The following MALRD1 variants were observed in gnomAD, a reference collection of about 807,000 sequenced individuals.
MALRD1 encodes MAM and LDL-receptor class A domain-containing protein 1.
A neutral mutation model predicts 242.1 loss-of-function variants in MALRD1; 247 were observed. That is an observed-to-expected ratio of 1.02 (90% CI 0.92 to 1.13). The LOEUF (loss-of-function observed/expected upper bound fraction) is 1.13, where lower values mean the gene tolerates loss of function less well. MALRD1 is among the 50% of genes most tolerant of loss of function. The probability of loss-of-function intolerance (pLI) is 0.00; values close to 1 mark genes in which losing one functional copy is unlikely to be tolerated. For synonymous variants in MALRD1, 995 were observed against 866.6 expected, an observed-to-expected ratio of 1.15 and a Z score of -2.60; for missense variants, 2,989 against 2,533.1, an observed-to-expected ratio of 1.18 and a Z score of -3.86.
intron 26 of MALRD1, among the ~76,000 whole-genome samples, chr10:19,355,735 A>G (rs1844596823): frequency 6.6e-6 from 1 of 150,480 alleles, no homozygotes; most frequent in Admixed American, 6.7e-5. Flanking sequence ...GTGATATGCT[A>G]AACTTGGTTT....
At chr10:19,586,226 C>T (rs552003815) in intron 33 of MALRD1, among the ~76,000 whole-genome samples, 92 of 152,284 alleles carry the variant, frequency 6.0e-4, no homozygotes, top group Middle Eastern at 3.4e-3. Flanking sequence ...TCTCTCAGCT[C>T]GTCAAAGTCA....
intron 4 of MALRD1, among the ~76,000 whole-genome samples, chr10:19,098,269 C>T (rs1414576590): frequency 6.6e-6 from 1 of 152,166 alleles, no homozygotes; most frequent in Non-Finnish European, 1.5e-5. Context: ...ACTAAATGAA[C>T]AATCAGTGCC....
intron 18 of MALRD1, among the ~76,000 whole-genome samples, chr10:19,211,720 G>T (rs1837080255): frequency 7.1e-6 from 1 of 141,286 alleles, no homozygotes; most frequent in South Asian, 2.2e-4. Flanking sequence ...AAAAAAAAAG[G>T]TTGGGCAGGG....
intron 39 of MALRD1, 125 bp from the exon 40 acceptor site, chr10:19,734,032 A>T: frequency 1.5e-6 from 1 of 670,252 alleles, no homozygotes; most frequent in Non-Finnish European, 2.5e-6. Context: ...AGAGTCAGGG[A>T]TGTTCTAGTT....
intron 18 of MALRD1, among the ~76,000 whole-genome samples, chr10:19,226,391 C>T (rs1837801825): frequency 6.6e-6 from 1 of 152,042 alleles, no homozygotes; most frequent in Non-Finnish European, 1.5e-5. Flanking sequence ...ATGGTGAAAG[C>T]CTTAATACTT....
intron 28 of MALRD1, among the ~76,000 whole-genome samples, chr10:19,391,731 C>T (rs1846344693): frequency 6.6e-6 from 1 of 150,820 alleles, no homozygotes; most frequent in Non-Finnish European, 1.5e-5. Context: ...GAGTGTCTTG[C>T]AGTTCCAGAA....
At chr10:19,461,583 C>T (rs1040220242) in intron 29 of MALRD1, among the ~76,000 whole-genome samples, 1 of 152,066 alleles carries the variant, frequency 6.6e-6, no homozygotes, top group African/African-American at 2.4e-5. Context: ...GGCAGTGGCT[C>T]ACATCTGTAA....
chr10:19,335,198 T>TG (rs530265243), intron 24 of MALRD1, among the ~76,000 whole-genome samples: 121 of 150,140 alleles, frequency 8.1e-4, no homozygotes, highest in Non-Finnish European at 1.4e-3. Flanking sequence ...TTTTGTTTTT[T>TG]TTTTTTTTTA....
intron 4 of MALRD1, among the ~76,000 whole-genome samples, chr10:19,101,313 A>G (rs1011132829): frequency 8.2e-5 from 12 of 146,010 alleles, no homozygotes; most frequent in African/African-American, 3.0e-4. Context: ...TATATTATAA[A>G]TAGATATTTT....
chr10:19,517,272 G>A (rs1833677863), intron 31 of MALRD1, among the ~76,000 whole-genome samples: 1 of 152,134 alleles, frequency 6.6e-6, no homozygotes, highest in South Asian at 2.1e-4. Flanking sequence ...TCTCCAGTAG[G>A]GAAACATTCC....
intron 21 of MALRD1, chr10:19,291,555 A>G (rs1841427270): frequency 6.6e-6 from 1 of 151,916 alleles, no homozygotes; most frequent in Admixed American, 6.6e-5. Flanking sequence ...AAAAGAAAAA[A>G]AAATTCATGG....
At chr10:19,359,981 G>A (rs575171416) in intron 26 of MALRD1, among the ~76,000 whole-genome samples, 2 of 152,068 alleles carry the variant, frequency 1.3e-5, no homozygotes, top group Admixed American at 1.3e-4. Context: ...GATTTCATCT[G>A]CATTTTAAGA....
intron 28 of MALRD1, among the ~76,000 whole-genome samples, chr10:19,415,221 G>A (rs1442423252): frequency 6.6e-6 from 1 of 152,062 alleles, no homozygotes; most frequent in East Asian, 1.9e-4. Flanking sequence ...GAGAAAACTA[G>A]AGCATACTAA....
rs1480721310 is a variant in MALRD1 at position 19,425,095 on chromosome 10, C to T, written c.4846-25212C>T. On this transcript the variant is annotated intron_variant, in intron 28 of 39. Transcript: ENST00000454679. ...TATTTAATCAGATCATTAAAAAGTGCTTGGGGGCCATTTTTTCTCTTTTTG... is the reference window on the plus strand; with the variant it reads ...TATTTAATCAGATCATTAAAAAGTGTTTGGGGGCCATTTTTTCTCTTTTTG... Among the ~76,000 whole-genome samples, 11 of 152,178 alleles carry T rather than the reference C, an allele frequency of 7.2e-5. No homozygotes were observed. In the East Asian group the frequency reaches 2.1e-3, roughly 29 times the overall value.
intron 26 of MALRD1, among the ~76,000 whole-genome samples, chr10:19,364,670 T>C (rs1442781671): frequency 6.6e-6 from 1 of 152,154 alleles, no homozygotes; most frequent in Non-Finnish European, 1.5e-5. Flanking sequence ...AAACAACACA[T>C]TACATTTCTC....
At chr10:19,447,283 A>G (rs1835050035) in intron 28 of MALRD1, among the ~76,000 whole-genome samples, 1 of 152,216 alleles carries the variant, frequency 6.6e-6, no homozygotes, top group Non-Finnish European at 1.5e-5. Flanking sequence ...GAATGAATGA[A>G]TGGATAAGGA....
intron 36 of MALRD1, among the ~76,000 whole-genome samples, chr10:19,616,923 T>C (rs1839182885): frequency 6.6e-6 from 1 of 152,008 alleles, no homozygotes; most frequent in Admixed American, 6.6e-5. Flanking sequence ...GTCAACAAAA[T>C]TATACTTTCC....
intron 35 of MALRD1, among the ~76,000 whole-genome samples, chr10:19,613,952 G>A (rs1324404581): frequency 1.3e-5 from 2 of 151,926 alleles, no homozygotes; most frequent in African/African-American, 2.4e-5. Flanking sequence ...CGTGACCGAA[G>A]TGCTCTTCTT....
intron 37 of MALRD1, 33 bp downstream of exon 37, chr10:19,692,394 G>C: frequency 1.3e-6 from 2 of 1,532,296 alleles, no homozygotes; most frequent in Non-Finnish European, 1.7e-6. Flanking sequence ...AAATGGCTTG[G>C]TTTGGGGTGG....
Sources: allele counts gnomAD v4.1 joint callset (sites outside exome capture counted in the v4.1 genomes callset), GRCh38; gene constraint gnomAD v4.1.1; transcripts MANE v1.5; gene names NCBI Gene and HGNC (gene_info 2026-07-23, HGNC 2026-07-21).